The following SHANK2 variants were observed in gnomAD, a reference collection of about 807,000 sequenced individuals.
SHANK2 encodes the protein SH3 and multiple ankyrin repeat domains 2.
SHANK2 carries 43 observed loss-of-function variants against 133.7 expected under a neutral mutation model. That is an observed-to-expected ratio of 0.32 (90% CI 0.25 to 0.41). SHANK2 has a LOEUF of 0.41. Among genes scored for constraint, SHANK2 ranks in the 10% least tolerant of loss-of-function variants. The pLI, the probability that SHANK2 is intolerant of heterozygous loss-of-function variation, is 1.00. For synonymous variants in SHANK2, 1,017 were observed against 952.8 expected (o/e 1.07, Z -1.24); for missense variants, 1,994 against 2,235.8 (o/e 0.89, Z 2.18).
intron 17 of SHANK2, among the ~76,000 whole-genome samples, chr11:70,656,382 A>C (rs928550449): frequency 3.9e-5 from 6 of 151,946 alleles, no homozygotes; most frequent in African/African-American, 1.5e-4. Flanking sequence ...ACCTGCATAG[A>C]AAGAAACACC....
intron 17 of SHANK2, 51 bp downstream of exon 17, chr11:70,659,777 G>T (rs188803860): frequency 6.2e-7 from 1 of 1,612,622 alleles, no homozygotes; most frequent in Non-Finnish European, 8.5e-7. Context: ...CCCTCTCCCC[G>T]AGAGTCGGCG....
intron 15 of SHANK2, among the ~76,000 whole-genome samples, chr11:70,683,801 T>TTC (rs1218227782): frequency 4.0e-5 from 6 of 151,880 alleles, no homozygotes; most frequent in African/African-American, 1.5e-4. Context: ...TTTTTTTTTT[T>TTC]CAGACAGAGT....
At chr11:70,927,043 C>T (rs1041151812) in intron 10 of SHANK2, among the ~76,000 whole-genome samples, 5 of 151,966 alleles carry the variant, frequency 3.3e-5, no homozygotes, top group African/African-American at 9.7e-5. Context: ...CTCTGCCGCA[C>T]GACGTGGCAG....
chr11:70,906,472 C>T (rs1032345243), intron 10 of SHANK2, among the ~76,000 whole-genome samples: 6 of 152,168 alleles, frequency 3.9e-5, no homozygotes, highest in Admixed American at 2.0e-4. Context: ...AGCCAGAACT[C>T]GGAGGAAAGC....
At chr11:71,246,628 G>C (rs1016883191) in intron 1 of SHANK2, among the ~76,000 whole-genome samples, 6 of 152,266 alleles carry the variant, frequency 3.9e-5, no homozygotes, top group Middle Eastern at 6.8e-3. Flanking sequence ...GGGTAGCCAA[G>C]TCTTTCCTGA....
intron 17 of SHANK2, among the ~76,000 whole-genome samples, chr11:70,533,082 C>T (rs2059496852): frequency 6.6e-6 from 1 of 152,014 alleles, no homozygotes; most frequent in African/African-American, 2.4e-5. Context: ...TTGCCGGAGG[C>T]TGGGGGGAGG....
intron 11 of SHANK2, among the ~76,000 whole-genome samples, chr11:70,867,517 C>T (rs1454969109): frequency 5.9e-5 from 9 of 152,212 alleles, no homozygotes; most frequent in Admixed American, 5.9e-4. Flanking sequence ...CCAAAGCTGC[C>T]TGAGCCAGGG....
At chr11:70,870,998 G>A (rs759728485) in intron 11 of SHANK2, among the ~76,000 whole-genome samples, 23 of 152,044 alleles carry the variant, frequency 1.5e-4, no homozygotes, top group Non-Finnish European at 2.9e-4. Flanking sequence ...GGCTGGTCTC[G>A]AACTCCTGAC....
intron 15 of SHANK2, chr11:70,668,308 C>T (rs1555015263): frequency 6.6e-6 from 1 of 152,518 alleles, no homozygotes; most frequent in Non-Finnish European, 1.5e-5. Flanking sequence ...GCGAGAAAAG[C>T]AGAGGGAGGT....
At chr11:70,812,913 C>T (rs957855785) in intron 12 of SHANK2, among the ~76,000 whole-genome samples, 8 of 152,136 alleles carry the variant, frequency 5.3e-5, no homozygotes, top group African/African-American at 1.4e-4. Flanking sequence ...GTAATCTTCT[C>T]GGTGGGGTGA....
chr11:70,664,323 C>T (rs1042269328), intron 15 of SHANK2, among the ~76,000 whole-genome samples: 1 of 152,186 alleles, frequency 6.6e-6, no homozygotes, highest in African/African-American at 2.4e-5. Context: ...GCTGGGGAGG[C>T]GCAAGCTGTG....
At chr11:70,793,844 C>T (rs1221052951) in intron 14 of SHANK2, among the ~76,000 whole-genome samples, 1 of 152,288 alleles carries the variant, frequency 6.6e-6, no homozygotes, top group East Asian at 1.9e-4. Flanking sequence ...AATGTATGTC[C>T]TTAAAAAGAC....
chr11:70,923,598 CA>C (rs1565408077), intron 10 of SHANK2, among the ~76,000 whole-genome samples: 1 of 152,148 alleles, frequency 6.6e-6, no homozygotes, highest in African/African-American at 2.4e-5. Flanking sequence ...GGCTGGAGTG[CA>C]GTGGCGTGAC....
intron 21 of SHANK2, among the ~76,000 whole-genome samples, chr11:70,499,742 A>G (rs2059023821): frequency 6.6e-6 from 1 of 152,176 alleles, no homozygotes; most frequent in Admixed American, 6.5e-5. Flanking sequence ...CAGCTGTAGG[A>G]TGCTGGTGCA....
intron 3 of SHANK2, among the ~76,000 whole-genome samples, chr11:71,134,703 GT>G (rs1952404942): frequency 6.6e-6 from 1 of 152,064 alleles, no homozygotes; most frequent in African/African-American, 2.4e-5. Flanking sequence ...GCCTCCCAAA[GT>G]GCTGGGATTA....
Position 70,948,489 on chromosome 11 carries a change from G to A in SHANK2, c.1108-51922C>T, listed in dbSNP as rs531546879. 1.5e-4 allele frequency: 62 copies of A among 415,282 alleles called. No homozygotes were observed. The East Asian group carries it at 3.8e-3, about 25-fold the overall frequency. The allele number at this position is 415,282 out of a possible 1,614,324, so 25.7% of individuals were successfully genotyped here. On this transcript the variant is annotated intron_variant, in intron 10 of 25. Coordinates refer to ENST00000601538, the MANE Select transcript of SHANK2 (RefSeq NM_012309.5). ...CACTTTGGGTTACCCAGGTTTCTAC[G>A]CCCTAATCTAGAAATACAACTTCCA...
At chr11:71,135,000 C>A (rs1352959605) in intron 3 of SHANK2, among the ~76,000 whole-genome samples, 1 of 152,062 alleles carries the variant, frequency 6.6e-6, no homozygotes, top group Non-Finnish European at 1.5e-5. Context: ...CTTGTCATGA[C>A]CCTATACCTG....
chr11:70,947,486 G>A (rs1555085689), intron 10 of SHANK2, among the ~76,000 whole-genome samples: 1 of 151,634 alleles, frequency 6.6e-6, no homozygotes, highest in African/African-American at 2.4e-5. Flanking sequence ...CCGAGCAGCT[G>A]GAATTACAGG....
At chr11:70,790,288 C>G (rs1947760496) in intron 14 of SHANK2, among the ~76,000 whole-genome samples, 1 of 152,062 alleles carries the variant, frequency 6.6e-6, no homozygotes, top group Non-Finnish European at 1.5e-5. Context: ...GTCTCTCCAC[C>G]CAGGGTGCAT....
Sources: gnomAD v4.1 joint callset for allele counts (sites outside exome capture counted in the v4.1 genomes callset) on GRCh38, gnomAD v4.1.1 for gene constraint, MANE v1.5 for transcripts, NCBI Gene and HGNC (gene_info 2026-07-23, HGNC 2026-07-21) for gene names.